Variants in NKAIN3 observed in about 807,000 individuals in gnomAD.
The protein encoded by NKAIN3 is sodium/potassium-transporting ATPase subunit beta-1-interacting protein 3.
NKAIN3 carries 25 observed loss-of-function variants against 30.2 expected under a neutral mutation model. The ratio of observed to expected loss-of-function variants is 0.83; its 90% CI spans 0.60 to 1.16. The LOEUF (loss-of-function observed/expected upper bound fraction) is 1.16, where lower values mean the gene tolerates loss of function less well. Ranked by LOEUF, NKAIN3 falls within the 50% of genes most tolerant of loss-of-function variation. NKAIN3 has a pLI of 0.00. For missense variants in NKAIN3, 225 were observed against 254.1 expected, an observed-to-expected ratio of 0.89 and a Z score of 0.78; for synonymous variants, 91 against 89.6, an observed-to-expected ratio of 1.02 and a Z score of -0.09.
At position 62,965,338 on chromosome 8, in the gene NKAIN3, G is replaced by C. The variant is rs575717591; in HGVS notation, c.604-16G>C. ...GCTTTGAAGTTCTTGAAAGCAATTCGTATTTTCTGTTTTAGGTCGAAATAA... is the reference window on the plus strand; with the variant it reads ...GCTTTGAAGTTCTTGAAAGCAATTCCTATTTTCTGTTTTAGGTCGAAATAA... On this transcript the variant is annotated splice_polypyrimidine_tract_variant and intron_variant, in intron 6 of 6. Transcript: ENST00000623646. 11 of 985,572 alleles carry C rather than the reference G, an allele frequency of 1.1e-5. No homozygotes were observed. Among genetic ancestry groups the C allele is most frequent in the Non-Finnish European group, 1.3e-5 (11 of 829,836 alleles). 61.1% of individuals were successfully genotyped at this position (985,572 alleles called of 1,614,324 possible).
chr8:62,347,436 A>G (rs1816038432), intron 1 of NKAIN3, among the ~76,000 whole-genome samples: 1 of 152,174 alleles, frequency 6.6e-6, no homozygotes, highest in Admixed American at 6.6e-5. Flanking sequence ...TCCATGTTCA[A>G]AGATTCTAAA....
At chr8:62,457,258 A>G (rs1416880377) in intron 1 of NKAIN3, among the ~76,000 whole-genome samples, 1 of 152,208 alleles carries the variant, frequency 6.6e-6, no homozygotes, top group Non-Finnish European at 1.5e-5. Context: ...TTTTAATTTT[A>G]TGTTATTCCA....
At chr8:62,396,062 A>G (rs1009181444) in intron 1 of NKAIN3, among the ~76,000 whole-genome samples, 1 of 152,234 alleles carries the variant, frequency 6.6e-6, no homozygotes, top group Non-Finnish European at 1.5e-5. Context: ...ATGTACTACC[A>G]CATTATTTTA....
intron 1 of NKAIN3, among the ~76,000 whole-genome samples, chr8:62,538,052 T>G (rs894367123): frequency 1.3e-5 from 2 of 152,226 alleles, no homozygotes; most frequent in Admixed American, 6.5e-5. Flanking sequence ...AAAGCAGGTG[T>G]CTGAACACAG....
At chr8:62,823,199 G>A (rs551244542) in intron 4 of NKAIN3, among the ~76,000 whole-genome samples, 1 of 152,172 alleles carries the variant, frequency 6.6e-6, no homozygotes, top group South Asian at 2.1e-4. Context: ...AAAACAATAA[G>A]TAATTATACT....
chr8:62,338,338 A>G (rs940686883), intron 1 of NKAIN3, among the ~76,000 whole-genome samples: 7 of 152,054 alleles, frequency 4.6e-5, no homozygotes, highest in Admixed American at 1.3e-4. Flanking sequence ...AATAAGAGTC[A>G]TTCTTTAGTT....
chr8:62,472,637 A>G (rs1806387629), intron 1 of NKAIN3, among the ~76,000 whole-genome samples: 1 of 152,182 alleles, frequency 6.6e-6, no homozygotes, highest in South Asian at 2.1e-4. Context: ...GAAAAATGCC[A>G]TTGATGCTGC....
intron 1 of NKAIN3, among the ~76,000 whole-genome samples, chr8:62,380,643 GT>G (rs1423458298): frequency 2.6e-5 from 4 of 152,286 alleles, no homozygotes; most frequent in East Asian, 3.9e-4. Context: ...GGTAGAAAAG[GT>G]TGTCTAAAGT....
intron 4 of NKAIN3, among the ~76,000 whole-genome samples, chr8:62,768,468 C>G (rs1052578301): frequency 6.6e-6 from 1 of 152,156 alleles, no homozygotes; most frequent in African/African-American, 2.4e-5. Flanking sequence ...GTAGAGACTT[C>G]TGCTTGAGGC....
At chr8:62,305,132 A>G (rs1182432923) in intron 1 of NKAIN3, among the ~76,000 whole-genome samples, 2 of 150,460 alleles carry the variant, frequency 1.3e-5, no homozygotes, top group African/African-American at 2.5e-5. Flanking sequence ...GTGTGGTTAC[A>G]TTTATCATAG....
At chr8:62,843,219 A>G (rs1455020336) in intron 4 of NKAIN3, among the ~76,000 whole-genome samples, 1 of 152,022 alleles carries the variant, frequency 6.6e-6, no homozygotes, top group Non-Finnish European at 1.5e-5. Flanking sequence ...CAAGGAACAC[A>G]GATTAAGCTG....
intron 3 of NKAIN3, among the ~76,000 whole-genome samples, chr8:62,718,444 G>A (rs1814977955): frequency 6.6e-6 from 1 of 152,130 alleles, no homozygotes; most frequent in African/African-American, 2.4e-5. Flanking sequence ...ATCATTATTT[G>A]TTGATGATTT....
chr8:62,618,530 G>A lies in NKAIN3; in HGVS notation c.273+28736G>A, dbSNP rs567095455. Among the ~76,000 whole-genome samples, 15 of 151,836 alleles carry A rather than the reference G, an allele frequency of 9.9e-5. No individual in the cohort carries two copies. In the East Asian group the frequency reaches 2.9e-3, roughly 29 times the overall value. On this transcript the variant is annotated intron_variant, in intron 3 of 6. Coordinates refer to ENST00000623646, the MANE Select transcript of NKAIN3 (RefSeq NM_001304533.3). ...CTCGTGGTGGACAATTAGTTGTGGT[G>A]GCTTTTTTTTTTCTTTTCCCATGTG...
intron 3 of NKAIN3, among the ~76,000 whole-genome samples, chr8:62,610,308 G>A (rs1171906099): frequency 1.3e-5 from 2 of 150,116 alleles, no homozygotes; most frequent in Non-Finnish European, 3.0e-5. Flanking sequence ...TCATACCATT[G>A]CACCCCAGCC....
intron 1 of NKAIN3, among the ~76,000 whole-genome samples, chr8:62,410,974 T>C (rs1804219605): frequency 6.6e-6 from 1 of 152,206 alleles, no homozygotes; most frequent in Non-Finnish European, 1.5e-5. Context: ...AAAGAAGAGC[T>C]GGTGCCAATC....
intron 1 of NKAIN3, among the ~76,000 whole-genome samples, chr8:62,446,269 T>C (rs2129598571): frequency 6.6e-6 from 1 of 152,246 alleles, no homozygotes; most frequent in Non-Finnish European, 1.5e-5. Context: ...CAGACACGAT[T>C]ATAACACTGA....
rs190177422 is a variant in NKAIN3, at chr8:62,733,608, T to C, written c.274-13324T>C. 2.8e-3 allele frequency among the ~76,000 whole-genome samples: 420 copies of C among 152,290 alleles called. 3 individuals carry two copies. Among genetic ancestry groups the C allele is most frequent in the African/African-American group, 9.7e-3 (405 of 41,582 alleles). ...ATATGTTATTATTTTACTGTAGTGC[T>C]CTGGATGTGAAAATGTCTACCATTC... On this transcript the variant is annotated intron_variant, in intron 3 of 6. Coordinates refer to ENST00000623646, the MANE Select transcript of NKAIN3 (RefSeq NM_001304533.3).
intron 1 of NKAIN3, among the ~76,000 whole-genome samples, chr8:62,498,347 A>C (rs1807308768): frequency 6.6e-6 from 1 of 151,990 alleles, no homozygotes; most frequent in Non-Finnish European, 1.5e-5. Flanking sequence ...AAGGTTTTAA[A>C]TTTGATTATT....
At chr8:62,355,700 G>A (rs538273227) in intron 1 of NKAIN3, among the ~76,000 whole-genome samples, 6 of 152,254 alleles carry the variant, frequency 3.9e-5, no homozygotes, top group African/African-American at 1.2e-4. Context: ...TGGTATGTTA[G>A]TGAAATTGCT....
Sources: gnomAD v4.1 joint callset for allele counts (sites outside exome capture counted in the v4.1 genomes callset) on GRCh38, gnomAD v4.1.1 for gene constraint, MANE v1.5 for transcripts, NCBI Gene and HGNC (gene_info 2026-07-23, HGNC 2026-07-21) for gene names.